The following MAD1L1 variants were observed in gnomAD, a reference collection of about 807,000 sequenced individuals.
MAD1L1 encodes mitotic spindle assembly checkpoint protein MAD1.
A neutral mutation model predicts 96.9 loss-of-function variants in MAD1L1; 95 were observed. That is an observed-to-expected ratio of 0.98 (90% CI 0.83 to 1.16). The LOEUF (loss-of-function observed/expected upper bound fraction) is 1.16, where lower values mean the gene tolerates loss of function less well. MAD1L1 is among the 50% of genes most tolerant of loss of function. MAD1L1 has a pLI of 0.00. For synonymous variants in MAD1L1, 473 were observed against 396.6 expected (o/e 1.19, Z -2.29); for missense variants, 1,007 against 954.4 (o/e 1.06, Z -0.73).
At chr7:1,929,603 T>C (rs1789311890) in intron 17 of MAD1L1, among the ~76,000 whole-genome samples, 2 of 152,092 alleles carry the variant, frequency 1.3e-5, no homozygotes, top group African/African-American at 2.4e-5. Flanking sequence ...TTTATGTGTT[T>C]CTGTGTCTTC....
Position 2,038,498 on chromosome 7 carries a change from C to CTTT in MAD1L1, c.1219-23859_1219-23857dup, listed in dbSNP as rs60466584. Among the ~76,000 whole-genome samples the CTTT allele has an allele frequency of 6.7e-4, 62 of 92,854 alleles. 1 individual carries two copies. The highest frequency in any genetic ancestry group is 2.2e-3 in the East Asian group (5 of 2,276). The allele number at this position is 92,854 out of a possible 152,430, so 60.9% of individuals were successfully genotyped here. ...TGTTAGGAGATAATGAAGCTGATGA[C>CTTT]TTTTTTTTTTTTTTTTTTTTTTTTT... On this transcript the variant is annotated intron_variant, in intron 12 of 18. Transcript: ENST00000265854.
chr7:1,981,287 G>T (rs1033908142), intron 14 of MAD1L1, among the ~76,000 whole-genome samples: 3 of 152,122 alleles, frequency 2.0e-5, no homozygotes, highest in African/African-American at 7.2e-5. Context: ...ATTCTAACTC[G>T]CCCCTACACA....
At chr7:2,155,375 G>A (rs769864727) in intron 10 of MAD1L1, among the ~76,000 whole-genome samples, 34 of 152,214 alleles carry the variant, frequency 2.2e-4, no homozygotes, top group Non-Finnish European at 4.8e-4. Context: ...GTCGTGTTGA[G>A]CATATTCATG....
intron 14 of MAD1L1, chr7:1,980,886 C>T: frequency 5.0e-6 from 2 of 403,300 alleles, no homozygotes; most frequent in Non-Finnish European, 9.7e-6. Flanking sequence ...GTTTAACAGC[C>T]ACAAGCCGTC....
intron 15 of MAD1L1, among the ~76,000 whole-genome samples, chr7:1,974,298 C>A (rs2128481019): frequency 6.6e-6 from 1 of 152,330 alleles, no homozygotes; most frequent in East Asian, 1.9e-4. Context: ...CCCACCCTGG[C>A]ACAGGCAGCT....
In MAD1L1 at chr7:2,064,553, C is replaced by G. The variant is rs552638513; in HGVS notation, c.1218+4641G>C. On this transcript the variant is annotated intron_variant, in intron 12 of 18. Transcript: ENST00000265854. Reference sequence around the variant, plus strand: ...CTCCGAAGAGGACAGAGGCTTCTCCCCGGAGGACAGAGGATTCTCCTAGGA... The same window carrying G: ...CTCCGAAGAGGACAGAGGCTTCTCCGCGGAGGACAGAGGATTCTCCTAGGA... Among the ~76,000 whole-genome samples, 7 of 152,164 alleles carry G rather than the reference C, an allele frequency of 4.6e-5. No individual in the cohort carries two copies. The South Asian group carries it at 1.2e-3, about 27-fold the overall frequency.
At chr7:2,072,841 A>G (rs1361055163) in intron 11 of MAD1L1, among the ~76,000 whole-genome samples, 3 of 152,188 alleles carry the variant, frequency 2.0e-5, no homozygotes, top group Non-Finnish European at 4.4e-5. Flanking sequence ...GGCCCAGCAA[A>G]CCCACACCCT....
intron 12 of MAD1L1, among the ~76,000 whole-genome samples, chr7:2,068,033 G>T (rs1332207877): frequency 6.6e-6 from 1 of 152,270 alleles, no homozygotes. Context: ...TCGAGAGCTT[G>T]CTCCACAGAA....
At chr7:1,914,520 C>T (rs1483069991) in intron 17 of MAD1L1, among the ~76,000 whole-genome samples, 2 of 152,234 alleles carry the variant, frequency 1.3e-5, no homozygotes, top group East Asian at 3.9e-4. Context: ...TGGATTCTCC[C>T]CAGAGCCTCT....
At chr7:1,839,492 C>CA (rs1348852687) in intron 18 of MAD1L1, among the ~76,000 whole-genome samples, 1 of 152,186 alleles carries the variant, frequency 6.6e-6, no homozygotes, top group Non-Finnish European at 1.5e-5. Context: ...TGTTCGCTTC[C>CA]GAGTGGGGCT....
chr7:1,983,896 T>A (rs1781035862), intron 14 of MAD1L1, among the ~76,000 whole-genome samples: 1 of 152,248 alleles, frequency 6.6e-6, no homozygotes, highest in Admixed American at 6.5e-5. Flanking sequence ...TGGACTTATT[T>A]ATTATTTCTA....
At chr7:2,028,861 T>C (rs1174816666) in intron 12 of MAD1L1, among the ~76,000 whole-genome samples, 1 of 150,480 alleles carries the variant, frequency 6.6e-6, no homozygotes, top group African/African-American at 2.5e-5. Flanking sequence ...GATACCCACG[T>C]TGACAAGAAA....
intron 15 of MAD1L1, among the ~76,000 whole-genome samples, chr7:1,963,318 A>G (rs930185784): frequency 6.6e-6 from 1 of 152,136 alleles, no homozygotes; most frequent in African/African-American, 2.4e-5. Context: ...GAAGAAGCAA[A>G]AAGAGGGAGA....
chr7:1,818,475 C>T (rs1409035252), intron 18 of MAD1L1, among the ~76,000 whole-genome samples: 12 of 152,100 alleles, frequency 7.9e-5, no homozygotes, highest in Non-Finnish European at 1.5e-4. Context: ...CTCGAGCTCC[C>T]GGACTCAAGT....
At chr7:2,131,817 C>A (rs1039468932) in intron 11 of MAD1L1, among the ~76,000 whole-genome samples, 1 of 152,188 alleles carries the variant, frequency 6.6e-6, no homozygotes, top group Non-Finnish European at 1.5e-5. Context: ...ACAGCCATCG[C>A]ACCTGGGGTC....
At chr7:1,938,409 A>G (rs1050914160) in intron 16 of MAD1L1, among the ~76,000 whole-genome samples, 2 of 152,208 alleles carry the variant, frequency 1.3e-5, no homozygotes, top group African/African-American at 4.8e-5. Context: ...TGCTGGCCGT[A>G]AAAGAAAAAA....
intron 12 of MAD1L1, among the ~76,000 whole-genome samples, chr7:2,021,220 A>T (rs1041218440): frequency 1.3e-5 from 2 of 152,240 alleles, no homozygotes; most frequent in Non-Finnish European, 2.9e-5. Flanking sequence ...GGAAGCTCAG[A>T]GAACATCAAG....
At chr7:2,098,376 G>C (rs997203807) in intron 11 of MAD1L1, among the ~76,000 whole-genome samples, 31 of 152,218 alleles carry the variant, frequency 2.0e-4, no homozygotes, top group African/African-American at 6.5e-4. Flanking sequence ...ACAGGAACAA[G>C]AGACCTCGGG....
chr7:2,010,907 CAG>C (rs763106221), intron 13 of MAD1L1, among the ~76,000 whole-genome samples: 1 of 151,926 alleles, frequency 6.6e-6, no homozygotes, highest in African/African-American at 2.4e-5. Context: ...GAGTGGGGGA[CAG>C]AGGGGTGAAC....
Sources: gnomAD v4.1 joint callset for allele counts (sites outside exome capture counted in the v4.1 genomes callset) on GRCh38, gnomAD v4.1.1 for gene constraint, MANE v1.5 for transcripts, NCBI Gene and HGNC (gene_info 2026-07-23, HGNC 2026-07-21) for gene names.